Variants in COL24A1 observed in about 807,000 individuals in gnomAD.
COL24A1 encodes collagen type XXIV alpha 1 chain.
Under a neutral mutation model 253.9 loss-of-function variants are expected in COL24A1, and 224 were observed. The ratio of observed to expected loss-of-function variants is 0.88; its 90% CI spans 0.79 to 0.99. The LOEUF is 0.99. Among genes scored for constraint, COL24A1 ranks in the 50% least tolerant of loss-of-function variants. The pLI is 0.00. For missense variants in COL24A1, 2,131 were observed against 2,068.5 expected (o/e 1.03, Z -0.59); for synonymous variants, 685 against 673.7 (o/e 1.02, Z -0.26).
At chr1:86,053,090 T>A (rs1700429051) in intron 10 of COL24A1, among the ~76,000 whole-genome samples, 1 of 152,104 alleles carries the variant, frequency 6.6e-6, no homozygotes, top group South Asian at 2.1e-4. Flanking sequence ...AATGTTTCTT[T>A]TAAAGTGAAT....
intron 37 of COL24A1, among the ~76,000 whole-genome samples, chr1:85,859,601 A>AT (rs1175784337): frequency 1.3e-5 from 2 of 151,822 alleles, no homozygotes; most frequent in South Asian, 2.1e-4. Flanking sequence ...TTGTTGTTAT[A>AT]TTTTTTTTAG....
chr1:85,831,117 A>G (rs1221912841), intron 43 of COL24A1, among the ~76,000 whole-genome samples: 1 of 152,080 alleles, frequency 6.6e-6, no homozygotes, highest in Non-Finnish European at 1.5e-5. Context: ...TATATAGCCC[A>G]TGACCACACT....
At chr1:86,080,628 G>A (rs1361917944) in intron 7 of COL24A1, among the ~76,000 whole-genome samples, 2 of 151,824 alleles carry the variant, frequency 1.3e-5, no homozygotes, top group Non-Finnish European at 2.9e-5. Context: ...AATAATAAAT[G>A]AAGCCTATAA....
chr1:85,990,118 G>T (rs946624613), intron 19 of COL24A1, among the ~76,000 whole-genome samples: 3 of 151,700 alleles, frequency 2.0e-5, no homozygotes, highest in Admixed American at 1.3e-4. Context: ...TGACTGGTTT[G>T]TTTTTTCTTT....
chr1:85,775,441 T>C (rs1668440636), intron 53 of COL24A1, among the ~76,000 whole-genome samples: 1 of 152,204 alleles, frequency 6.6e-6, no homozygotes, highest in African/African-American at 2.4e-5. Flanking sequence ...ATTTTCTGTC[T>C]CATTGATCTG....
Position 85,877,168 on chromosome 1 carries a change from C to T in COL24A1, c.2984G>A (p.Arg995Gln), listed in dbSNP as rs763351957. ...DRGLPGEPGL[R>Q]GLQGDVGPPG... ...AGGTCCAACATCACCTTGCAGTCCT[C>T]GCAGTCCCTATATTAAAATAAAATT... The change falls in exon 33 of 60, where the codon CGA (arginine) becomes CAA (glutamine). Residue 995 changes from arginine (R) to glutamine (Q), a missense_variant. Physicochemically the swap from Arg to Gln is conservative, Grantham distance 43. Coordinates refer to ENST00000370571, the MANE Select transcript of COL24A1 (RefSeq NM_152890.7). 6.2e-6 allele frequency: 10 copies of T among 1,601,152 alleles called. No individual in the cohort carries two copies. The highest frequency in any genetic ancestry group is 3.4e-5 in the Admixed American group (2 of 58,080).
chr1:85,895,665 G>T (rs2102794694), intron 31 of COL24A1, among the ~76,000 whole-genome samples, 193 bp downstream of exon 31: 1 of 152,182 alleles, frequency 6.6e-6, no homozygotes, highest in Middle Eastern at 3.4e-3. Context: ...CTAAACAATA[G>T]TTGTATTAGA....
Position 86,156,341 on chromosome 1 carries a change from G to C in COL24A1, c.56C>G (p.Thr19Arg), listed in dbSNP as rs200244344. 6.2e-7 allele frequency: 1 copy of C among 1,612,708 alleles called. No homozygotes were observed. Among genetic ancestry groups the C allele is most frequent in the South Asian group, 1.1e-5 (1 of 90,760 alleles). Residue 19 changes from threonine (T) to arginine (R), a missense_variant and splice_region_variant, in exon 1 of 60, where the codon ACG (threonine) becomes AGG (arginine). By Grantham distance (71) the Thr-to-Arg change is moderately conservative. Coordinates refer to ENST00000370571, the MANE Select transcript of COL24A1 (RefSeq NM_152890.7). ...RRGKVSPTAK[T>R]KSLLHFIVLC... is the part of the protein sequence containing the mutation. ...CCTACCCGGCGGGTGGGCTACTTAC[G>C]TTTTTGCCGTGGGGGAGACTTTTCC...
chr1:85,857,009 T>C (rs1299175453), intron 37 of COL24A1, among the ~76,000 whole-genome samples: 1 of 151,994 alleles, frequency 6.6e-6, no homozygotes, highest in Non-Finnish European at 1.5e-5. Flanking sequence ...GTTTTGTTTG[T>C]CTGTTTGTTT....
intron 28 of COL24A1, among the ~76,000 whole-genome samples, chr1:85,899,300 A>T (rs1312064870): frequency 6.6e-6 from 1 of 152,204 alleles, no homozygotes; most frequent in African/African-American, 2.4e-5. Context: ...AAAACAAGTA[A>T]GGTCTAAATT....
At chr1:85,935,817 A>AGCACC (rs1688204891) in intron 24 of COL24A1, among the ~76,000 whole-genome samples, 1 of 147,532 alleles carries the variant, frequency 6.8e-6, no homozygotes, top group African/African-American at 2.5e-5. Flanking sequence ...TGAATGAGTG[A>AGCACC]ACAACTTAGA....
intron 32 of COL24A1, among the ~76,000 whole-genome samples, chr1:85,881,462 C>CAAA (rs35434904): frequency 1.8e-4 from 25 of 142,148 alleles, no homozygotes; most frequent in African/African-American, 6.5e-4. Context: ...ACTAAAAATA[C>CAAA]AAAAAAAAAA....
intron 37 of COL24A1, among the ~76,000 whole-genome samples, chr1:85,855,428 T>C (rs139874913): frequency 4.1e-4 from 62 of 152,346 alleles, no homozygotes; most frequent in African/African-American, 1.4e-3. Context: ...TGAGGCACGT[T>C]GAATTTTATT....
chr1:86,156,248 C>G, intron 1 of COL24A1, 93 bp downstream of exon 1: 1 of 1,252,506 alleles, frequency 8.0e-7, no homozygotes, highest in Non-Finnish European at 1.1e-6. Context: ...GCCAAGGAGC[C>G]GGACTTCAGA....
At position 85,866,680 on chromosome 1, in the gene COL24A1, A is replaced by G. The variant is rs141891017; in HGVS notation, c.3300+1839T>C. 3.8e-4 allele frequency among the ~76,000 whole-genome samples: 58 copies of G among 152,252 alleles called. No individual in the cohort carries two copies. In the East Asian group the frequency reaches 0.01, roughly 27 times the overall value. Reference sequence around the variant, plus strand: ...TCCCAGCTACTCTGGAGGCAGAGGTAACAGAATCTCTTGAACCCGGGAGGT... The same window carrying G: ...TCCCAGCTACTCTGGAGGCAGAGGTGACAGAATCTCTTGAACCCGGGAGGT... On this transcript the variant is annotated intron_variant, in intron 37 of 59. Transcript: ENST00000370571.
chr1:85,904,445 C>T (rs2102872471), intron 28 of COL24A1, among the ~76,000 whole-genome samples: 1 of 152,246 alleles, frequency 6.6e-6, no homozygotes, highest in East Asian at 1.9e-4. Flanking sequence ...ACCCAAGAGG[C>T]TAAACCACTA....
At chr1:86,154,195 GA>G (rs1421573397) in intron 1 of COL24A1, 3 of 151,984 alleles carry the variant, frequency 2.0e-5, no homozygotes, top group African/African-American at 7.2e-5. Flanking sequence ...TTTTCAAAGG[GA>G]AAAATTCCAA....
chr1:86,017,738 T>C (rs1697132958), intron 18 of COL24A1, among the ~76,000 whole-genome samples: 1 of 152,192 alleles, frequency 6.6e-6, no homozygotes, highest in African/African-American at 2.4e-5. Context: ...CAAAGAGTCA[T>C]TGGAGAGTTA....
chr1:85,867,322 A>T (rs1422092233), intron 37 of COL24A1, among the ~76,000 whole-genome samples: 1 of 152,356 alleles, frequency 6.6e-6, no homozygotes, highest in South Asian at 2.1e-4. Context: ...TTAGTTCCTC[A>T]GTCTTTACTG....
Sources: allele counts gnomAD v4.1 joint callset (sites outside exome capture counted in the v4.1 genomes callset), GRCh38; gene constraint gnomAD v4.1.1; transcripts MANE v1.5; gene names NCBI Gene and HGNC (gene_info 2026-07-23, HGNC 2026-07-21).